The following BRF1 variants were observed in gnomAD, a reference collection of about 807,000 sequenced individuals.
The protein encoded by BRF1 is transcription factor IIIB 90 kDa subunit.
A neutral mutation model predicts 81.7 loss-of-function variants in BRF1; 59 were observed. The observed-to-expected ratio is 0.72, with a 90% CI of 0.59 to 0.90. The LOEUF (loss-of-function observed/expected upper bound fraction) is 0.90, where lower values mean the gene tolerates loss of function less well. Ranked by LOEUF, BRF1 falls within the 40% of genes least tolerant of loss-of-function variation. BRF1 has a pLI of 0.00. For synonymous variants in BRF1, 491 were observed against 395.6 expected, an observed-to-expected ratio of 1.24 and a Z score of -2.86; for missense variants, 1,050 against 936.3, an observed-to-expected ratio of 1.12 and a Z score of -1.58.
intron 2 of BRF1, among the ~76,000 whole-genome samples, chr14:105,282,700 A>G (rs1206078597): frequency 6.6e-6 from 1 of 152,242 alleles, no homozygotes; most frequent in Admixed American, 6.5e-5. Context: ...TGGGAGGCCA[A>G]GGCGGGTGGA....
At chr14:105,250,006 G>A in intron 5 of BRF1, 4 of 1,612,832 alleles carry the variant, frequency 2.5e-6, no homozygotes, top group African/African-American at 1.3e-5. Context: ...AGAGGCAGGG[G>A]CTGCCAATCA....
intron 12 of BRF1, chr14:105,219,773 G>A: frequency 7.7e-6 from 4 of 519,882 alleles, no homozygotes; most frequent in Non-Finnish European, 1.4e-5. Context: ...CCCTCGAGGG[G>A]CTGCCCCTGG....
Position 105,209,633 on chromosome 14 carries a change from G to A in BRF1, c.*918C>T, listed in dbSNP as rs1409136087. On this transcript the variant is annotated 3_prime_UTR_variant, in exon 18 of 18. Transcript: ENST00000547530. ...GGCCTGGGGAGGCTCTCGGGCCTCC[G>A]TCTGCCCTCCCTCCTCGATGGGGGG... The A allele has an allele frequency of 2.9e-5, 20 of 693,608 alleles. No homozygotes were observed. The highest frequency in any genetic ancestry group is 9.0e-5 in the South Asian group (6 of 66,840). The allele number at this position is 693,608 out of a possible 1,614,324, so 43.0% of individuals were successfully genotyped here.
At chr14:105,224,787 C>T (rs933080751) in intron 10 of BRF1, among the ~76,000 whole-genome samples, 1 of 152,192 alleles carries the variant, frequency 6.6e-6, no homozygotes, top group East Asian at 1.9e-4. Context: ...TCAAGCAGTC[C>T]TCCTGTATTT....
upstream of BRF1, among the ~76,000 whole-genome samples, chr14:105,305,994 C>G (rs146286629): frequency 2.6e-5 from 4 of 152,378 alleles, no homozygotes; most frequent in Non-Finnish European, 5.9e-5. Flanking sequence ...CTAGACCTGA[C>G]TCCAGCACAC....
At chr14:105,226,852 T>G in intron 7 of BRF1, 92 bp from the exon 8 acceptor site, 1 of 1,584,290 alleles carries the variant, frequency 6.3e-7, no homozygotes, top group Non-Finnish European at 8.6e-7. Context: ...CTCATGCCTG[T>G]GATCCCAGTG....
At chr14:105,280,647 G>A (rs1165038167) in intron 2 of BRF1, among the ~76,000 whole-genome samples, 2 of 152,044 alleles carry the variant, frequency 1.3e-5, no homozygotes, top group Admixed American at 6.6e-5. Context: ...CTGAGCCTGC[G>A]TGTGCAGGTG....
At chr14:105,220,157 A>G in intron 11 of BRF1, 27 bp from the exon 12 acceptor site, 1 of 1,612,842 alleles carries the variant, frequency 6.2e-7, no homozygotes, top group Middle Eastern at 1.6e-4. Flanking sequence ...CATCCGCGTC[A>G]CTCAGGGCCA....
intron 7 of BRF1, among the ~76,000 whole-genome samples, 167 bp downstream of exon 7, chr14:105,228,653 C>G (rs587719617): frequency 6.6e-6 from 1 of 152,236 alleles, no homozygotes; most frequent in South Asian, 2.1e-4. Flanking sequence ...AGGCAGCCCA[C>G]CAGCACGTCC....
chr14:105,279,001 G>A (rs984966921), intron 2 of BRF1, among the ~76,000 whole-genome samples: 6 of 152,022 alleles, frequency 3.9e-5, no homozygotes, highest in East Asian at 1.9e-4. Flanking sequence ...CCGAGATCGC[G>A]CCACTGCACT....
chr14:105,288,453 A>AAAAAAT (rs916864650), intron 1 of BRF1, among the ~76,000 whole-genome samples: 16 of 151,302 alleles, frequency 1.1e-4, no homozygotes, highest in African/African-American at 2.4e-4. Flanking sequence ...CTCCGTCTCA[A>AAAAAAT]AAAAATAAAA....
chr14:105,254,702 T>C (rs1459715097), intron 4 of BRF1, among the ~76,000 whole-genome samples: 3 of 152,106 alleles, frequency 2.0e-5, no homozygotes, highest in Non-Finnish European at 4.4e-5. Flanking sequence ...GCTGGGATTA[T>C]AGGCATCCGC....
In BRF1 at chr14:105,315,192, G is replaced by C. The variant is rs1003474663; in HGVS notation, c.-162+130C>G. ...CGCCGGTTCGACGCGTGCAGCCGCC[G>C]CCCCCCCGCAGCTCCGGCAAGCGCG... On this transcript the variant is annotated intron_variant, in intron 1 of 17. Coordinates refer to the BRF1 transcript ENST00000327359. The surrounding 1 kb of genome is among the most constrained non-coding windows in gnomAD (Gnocchi z 4.4). 3.3e-3 allele frequency: 955 copies of C among 290,372 alleles called. 1 individual carries two copies. The highest frequency in any genetic ancestry group is 4.1e-3 in the Admixed American group (66 of 15,970). 18.0% of individuals were successfully genotyped at this position (290,372 alleles called of 1,614,324 possible).
chr14:105,295,553 A>G (rs926366841), intron 1 of BRF1, among the ~76,000 whole-genome samples: 1 of 151,962 alleles, frequency 6.6e-6, no homozygotes, highest in Non-Finnish European at 1.5e-5. Flanking sequence ...GACTGCAGTA[A>G]GCCATGACCA....
rs1051184147 is a variant in BRF1 at position 105,287,934 on chromosome 14, G to A, written c.185-1558C>T. On this transcript the variant is annotated intron_variant, in intron 1 of 17. Coordinates refer to ENST00000547530, the MANE Select transcript of BRF1 (RefSeq NM_001519.4). ...CCTGGTGGCAGCAGAGGCAAAGCCC[G>A]GGCCTCCTTCAGGCTGAGGCCCAGA... Among the ~76,000 whole-genome samples the A allele has an allele frequency of 4.6e-5, 7 of 152,210 alleles. No homozygotes were observed. In the East Asian group the frequency reaches 9.6e-4, roughly 21 times the overall value.
chr14:105,270,606 T>G (rs1478949611), intron 3 of BRF1, among the ~76,000 whole-genome samples: 1 of 151,914 alleles, frequency 6.6e-6, no homozygotes, highest in Admixed American at 6.5e-5. Context: ...CTGGCCAACA[T>G]GGGGAAACCC....
chr14:105,229,599 G>A (rs923972516), intron 6 of BRF1, among the ~76,000 whole-genome samples: 2 of 152,194 alleles, frequency 1.3e-5, no homozygotes, highest in Non-Finnish European at 2.9e-5. Context: ...GCTGCGACCT[G>A]GGGGGTCACA....
rs1217099522 is a variant in BRF1, at chr14:105,219,123, CGT to C, written c.1459+26_1459+27del. On this transcript the variant is annotated intron_variant, in intron 13 of 17. Transcript: ENST00000547530. ...CCAGGCCTGGGGACTGTGCGTCCTG[CGT>C]GTGAGTGTGGGCGGGTGGCGCTTAC... 6.2e-6 allele frequency: 10 copies of C among 1,612,898 alleles called. No individual in the cohort carries two copies. In the African/African-American group the frequency reaches 9.3e-5, roughly 15 times the overall value.
intron 5 of BRF1, 33 bp from the exon 6 acceptor site, chr14:105,241,447 C>A (rs773996704): frequency 6.2e-7 from 1 of 1,606,598 alleles, no homozygotes; most frequent in African/African-American, 1.3e-5. Context: ...GTGCCCACCT[C>A]CATGTGCCAT....
Sources: gnomAD v4.1 joint callset for allele counts (sites outside exome capture counted in the v4.1 genomes callset) on GRCh38, gnomAD v4.1.1 for gene constraint, Gnocchi (gnomAD v3.1) non-coding constraint, MANE v1.5 for transcripts, NCBI Gene and HGNC (gene_info 2026-07-23, HGNC 2026-07-21) for gene names.